VSTM4: variants seen among roughly 807,000 people sequenced by gnomAD.
The protein encoded by VSTM4 is V-set and transmembrane domain containing 4.
A neutral mutation model predicts 36.4 loss-of-function variants in VSTM4; 20 were observed. The observed-to-expected ratio is 0.55, with a 90% CI of 0.39 to 0.80. VSTM4 has a LOEUF of 0.80. Ranked by LOEUF, VSTM4 falls within the 30% of genes least tolerant of loss-of-function variation. The pLI is 0.00. For missense variants in VSTM4, 392 were observed against 404.5 expected, an observed-to-expected ratio of 0.97 and a Z score of 0.26; for synonymous variants, 182 against 173.9, an observed-to-expected ratio of 1.05 and a Z score of -0.37.
At position 49,019,128 on chromosome 10, in the gene VSTM4, A is replaced by T. The variant is rs538203020; in HGVS notation, c.*522T>A. On this transcript the variant is annotated 3_prime_UTR_variant, in exon 8 of 8. Coordinates refer to ENST00000332853, the MANE Select transcript of VSTM4 (RefSeq NM_001031746.5). ...TTAGTGCATCTATTTAAAACAAGAG[A>T]TGCCATCTCAGGTGGTGCTGGCAAT... 1 of 152,258 alleles carries T rather than the reference A, an allele frequency of 6.6e-6. No homozygotes were observed. The highest frequency in any genetic ancestry group is 2.1e-4 in the South Asian group (1 of 4,812). The allele number at this position is 152,258 out of a possible 1,614,324, so 9.4% of individuals were successfully genotyped here.
chr10:49,033,357 T>G (rs1843376071), intron 7 of VSTM4, among the ~76,000 whole-genome samples: 2 of 152,230 alleles, frequency 1.3e-5, no homozygotes, highest in African/African-American at 4.8e-5. Flanking sequence ...TGTCAGAATC[T>G]GTAGCCATGA....
intron 5 of VSTM4, among the ~76,000 whole-genome samples, chr10:49,052,400 T>C (rs1843711481): frequency 6.6e-6 from 1 of 151,816 alleles, no homozygotes. Context: ...TTCTCATTTA[T>C]GATGGAAGGA....
At chr10:49,054,162 T>C (rs1843740662) in intron 5 of VSTM4, among the ~76,000 whole-genome samples, 1 of 152,146 alleles carries the variant, frequency 6.6e-6, no homozygotes, top group Non-Finnish European at 1.5e-5. Flanking sequence ...GCCTGCTTCC[T>C]CTGGCCCTGA....
intron 2 of VSTM4, chr10:49,103,937 C>T (rs1318998824): frequency 6.8e-6 from 8 of 1,181,088 alleles, no homozygotes; most frequent in Non-Finnish European, 9.7e-6. Context: ...CACTCAAACC[C>T]CCAAGAGCTC....
intron 2 of VSTM4, among the ~76,000 whole-genome samples, chr10:49,093,811 G>A (rs556299814): frequency 7.2e-6 from 1 of 138,596 alleles, no homozygotes; most frequent in Non-Finnish European, 1.5e-5. Context: ...GCAGTGGCAA[G>A]ATCTAGGTTC....
intron 7 of VSTM4, among the ~76,000 whole-genome samples, chr10:49,037,391 A>G (rs1843447847): frequency 6.6e-6 from 1 of 152,240 alleles, no homozygotes; most frequent in African/African-American, 2.4e-5. Flanking sequence ...CGGAGATTCT[A>G]CTTTTCCAAC....
chr10:49,088,020 T>TAC (rs1206098348), intron 2 of VSTM4, among the ~76,000 whole-genome samples: 3 of 148,308 alleles, frequency 2.0e-5, no homozygotes, highest in Non-Finnish European at 4.5e-5. Context: ...TATGTATATA[T>TAC]ACATATATAT....
intron 3 of VSTM4, among the ~76,000 whole-genome samples, chr10:49,082,567 T>C (rs1457365073): frequency 2.6e-5 from 4 of 152,022 alleles, no homozygotes; most frequent in Non-Finnish European, 5.9e-5. Context: ...CCCAGCTACT[T>C]GGGAGGCTGA....
chr10:49,033,571 C>G (rs1256709682), intron 7 of VSTM4, among the ~76,000 whole-genome samples: 1 of 152,140 alleles, frequency 6.6e-6, no homozygotes, highest in Admixed American at 6.5e-5. Flanking sequence ...CCAATGAGGT[C>G]AAGACATTAA....
intron 1 of VSTM4, among the ~76,000 whole-genome samples, chr10:49,114,947 C>CAAGT (rs1844963946): frequency 6.6e-6 from 1 of 152,250 alleles, no homozygotes; most frequent in Admixed American, 6.5e-5. Flanking sequence ...GGCCCACGAT[C>CAAGT]AAGTCCCCGT....
intron 4 of VSTM4, among the ~76,000 whole-genome samples, chr10:49,064,955 G>A (rs1311800247): frequency 6.6e-6 from 1 of 152,174 alleles, no homozygotes; most frequent in Non-Finnish European, 1.5e-5. Flanking sequence ...GATCTAGCCA[G>A]GCATTAAGCC....
At chr10:49,053,366 T>A (rs921599283) in intron 5 of VSTM4, among the ~76,000 whole-genome samples, 2 of 152,168 alleles carry the variant, frequency 1.3e-5, no homozygotes, top group Admixed American at 1.3e-4. Flanking sequence ...GCAGTTTTGC[T>A]CCATGACACA....
At chr10:49,065,595 CT>C (rs1323336007) in intron 4 of VSTM4, among the ~76,000 whole-genome samples, 1 of 152,170 alleles carries the variant, frequency 6.6e-6, no homozygotes, top group Non-Finnish European at 1.5e-5. Flanking sequence ...GGCTAGCCTA[CT>C]GGAAGATGAG....
intron 5 of VSTM4, among the ~76,000 whole-genome samples, chr10:49,063,621 T>C (rs945011181): frequency 1.3e-5 from 2 of 152,244 alleles, no homozygotes; most frequent in African/African-American, 2.4e-5. Context: ...AGTATTATTT[T>C]GGTCTGTTTG....
intron 7 of VSTM4, among the ~76,000 whole-genome samples, chr10:49,031,096 T>C (rs564783212): frequency 6.6e-6 from 1 of 152,334 alleles, no homozygotes; most frequent in Admixed American, 6.5e-5. Flanking sequence ...AAAGGGAGCC[T>C]TTGGTTATCT....
intron 7 of VSTM4, among the ~76,000 whole-genome samples, chr10:49,028,154 T>A (rs1377933911): frequency 6.6e-6 from 1 of 152,220 alleles, no homozygotes; most frequent in Non-Finnish European, 1.5e-5. Context: ...TAAGGAACTT[T>A]CCCATCCTAG....
intron 7 of VSTM4, among the ~76,000 whole-genome samples, chr10:49,041,305 T>C (rs1303015977): frequency 1.3e-5 from 2 of 152,246 alleles, no homozygotes; most frequent in African/African-American, 4.8e-5. Context: ...AAATTGACCT[T>C]GCTTCTGGAA....
intron 7 of VSTM4, among the ~76,000 whole-genome samples, chr10:49,032,179 C>A (rs1463293029): frequency 2.0e-5 from 3 of 152,206 alleles, no homozygotes; most frequent in African/African-American, 4.8e-5. Context: ...CTAATATTTA[C>A]TTAGTACAAC....
At chr10:49,084,188 T>A (rs1844329697) in intron 3 of VSTM4, among the ~76,000 whole-genome samples, 1 of 152,258 alleles carries the variant, frequency 6.6e-6, no homozygotes, top group African/African-American at 2.4e-5. Context: ...CATTTTCATT[T>A]CTTTGCCAAT....
Sources: gnomAD v4.1 joint callset for allele counts (sites outside exome capture counted in the v4.1 genomes callset) on GRCh38, gnomAD v4.1.1 for gene constraint, MANE v1.5 for transcripts, NCBI Gene and HGNC (gene_info 2026-07-23, HGNC 2026-07-21) for gene names.